Variants in TRDN observed in about 807,000 individuals in gnomAD.
TRDN encodes triadin.
Under a neutral mutation model 149.7 loss-of-function variants are expected in TRDN, and 161 were observed. The observed-to-expected ratio is 1.08, with a 90% CI of 0.95 to 1.23. TRDN has a LOEUF of 1.23. TRDN is among the 50% of genes most tolerant of loss of function. The probability of loss-of-function intolerance (pLI) is 0.00; values close to 1 mark genes in which losing one functional copy is unlikely to be tolerated. For synonymous variants in TRDN, 294 were observed against 250.5 expected, an observed-to-expected ratio of 1.17 and a Z score of -1.64; for missense variants, 896 against 823.5, an observed-to-expected ratio of 1.09 and a Z score of -1.08.
chr6:123,463,748 T>C lies in TRDN; in HGVS notation c.931+1158A>G, dbSNP rs570484614. ...AGTCCAAATGCCAAAATAAATGTAA[T>C]TCTGATTTTTTTGGTCTATTTTCTT... is the stretch of plus-strand genomic sequence containing the variant. On this transcript the variant is annotated intron_variant, in intron 10 of 40. Coordinates refer to ENST00000334268, the MANE Select transcript of TRDN (RefSeq NM_006073.4). 3.9e-5 allele frequency among the ~76,000 whole-genome samples: 6 copies of C among 152,012 alleles called. No individual in the cohort carries two copies. The South Asian group carries it at 1.2e-3, about 31-fold the overall frequency.
At chr6:123,333,918 T>C (rs74883193) in intron 22 of TRDN, among the ~76,000 whole-genome samples, 1 of 152,068 alleles carries the variant, frequency 6.6e-6, no homozygotes, top group Non-Finnish European at 1.5e-5. Flanking sequence ...TTAATGGTGC[T>C]GGGATATAAA....
At chr6:123,439,451 G>A (rs567963966) in intron 10 of TRDN, among the ~76,000 whole-genome samples, 5 of 152,092 alleles carry the variant, frequency 3.3e-5, no homozygotes, top group Non-Finnish European at 5.9e-5. Flanking sequence ...CCATTAAAAA[G>A]GTATCTTTTG....
intron 13 of TRDN, among the ~76,000 whole-genome samples, chr6:123,391,409 T>TA (rs1782108544): frequency 6.6e-6 from 1 of 152,100 alleles, no homozygotes. Flanking sequence ...CAGATATTAG[T>TA]TCTTCAAAAT....
chr6:123,540,499 A>C (rs1268031923), intron 4 of TRDN, among the ~76,000 whole-genome samples: 1 of 151,122 alleles, frequency 6.6e-6, no homozygotes, highest in Non-Finnish European at 1.5e-5. Flanking sequence ...CCTTTTAATC[A>C]CTTGAACAGA....
chr6:123,331,728 T>C, intron 23 of TRDN, 151 bp downstream of exon 23: 2 of 507,690 alleles, frequency 3.9e-6, no homozygotes, highest in East Asian at 3.3e-5. Context: ...AATTTAATGA[T>C]GGAATATAAA....
At chr6:123,349,291 T>C (rs1780363496) in intron 21 of TRDN, among the ~76,000 whole-genome samples, 1 of 152,084 alleles carries the variant, frequency 6.6e-6, no homozygotes, top group Non-Finnish European at 1.5e-5. Flanking sequence ...ATATATAAAC[T>C]ACATAAACAA....
At chr6:123,439,031 T>C (rs1774736827) in intron 10 of TRDN, 28 bp from the exon 11 acceptor site, 2 of 1,512,500 alleles carry the variant, frequency 1.3e-6, no homozygotes, top group East Asian at 4.9e-5. Context: ...AATATTTCCT[T>C]TAGGGAAATT....
intron 24 of TRDN, among the ~76,000 whole-genome samples, chr6:123,312,021 A>T (rs1485379889): frequency 6.6e-6 from 1 of 151,990 alleles, no homozygotes; most frequent in Non-Finnish European, 1.5e-5. Context: ...CTGAATGAGT[A>T]CCAGACAAAG....
chr6:123,472,780 T>G (rs992383583), intron 9 of TRDN, among the ~76,000 whole-genome samples: 3 of 152,206 alleles, frequency 2.0e-5, no homozygotes, highest in Non-Finnish European at 4.4e-5. Flanking sequence ...AGTGGGTCCC[T>G]GACCCCTGAC....
chr6:123,262,913 C>T (rs1776821122), intron 33 of TRDN, among the ~76,000 whole-genome samples: 1 of 151,646 alleles, frequency 6.6e-6, no homozygotes. Context: ...TTCCTCTAGT[C>T]CTATTTCCTG....
At chr6:123,568,122 T>C (rs1782383560) in intron 2 of TRDN, among the ~76,000 whole-genome samples, 1 of 152,194 alleles carries the variant, frequency 6.6e-6, no homozygotes, top group Admixed American at 6.5e-5. Flanking sequence ...CCCATGTAAG[T>C]TGAAAACCCC....
intron 24 of TRDN, among the ~76,000 whole-genome samples, chr6:123,294,474 C>T (rs1047289493): frequency 1.8e-4 from 28 of 152,046 alleles, no homozygotes; most frequent in Admixed American, 3.3e-4. Context: ...AGCCTGGGGT[C>T]GGGGGTGTGG....
chr6:123,592,014 G>C (rs909527625), intron 1 of TRDN, among the ~76,000 whole-genome samples: 1 of 152,114 alleles, frequency 6.6e-6, no homozygotes, highest in African/African-American at 2.4e-5. Context: ...GAGTTAAAAA[G>C]AACCAATTTT....
At chr6:123,451,263 T>C (rs949254525) in intron 10 of TRDN, among the ~76,000 whole-genome samples, 14 of 150,144 alleles carry the variant, frequency 9.3e-5, no homozygotes, top group Admixed American at 6.0e-4. Flanking sequence ...CAGAAATAAA[T>C]AAAATTGAAA....
At chr6:123,566,344 C>A (rs920356249) in intron 2 of TRDN, among the ~76,000 whole-genome samples, 13 of 152,078 alleles carry the variant, frequency 8.5e-5, no homozygotes, top group Non-Finnish European at 1.9e-4. Context: ...AATAACGAAC[C>A]CAAATCATCT....
chr6:123,579,688 TG>T (rs1222200237), intron 1 of TRDN, among the ~76,000 whole-genome samples: 4 of 152,126 alleles, frequency 2.6e-5, no homozygotes, highest in African/African-American at 9.7e-5. Context: ...GCCTCTGATG[TG>T]GTTAGGCTCA....
rs1315147194 is a variant in TRDN, at chr6:123,271,144, T to C, written c.1715A>G (p.Lys572Arg). The change falls in exon 30 of 41, where the codon AAA becomes AGA. Residue 572 changes from lysine (K) to arginine (R), a missense_variant. Physicochemically the swap from Lys to Arg is conservative, Grantham distance 26. Transcript: ENST00000334268. ...LKQVKAVTIE[K>R]TAKPKPTKKA... ...ATATAAAATACCTTATTTACCTGTT[T>C]TTTCTATTGTGACAGCTTTTACCTG... is the stretch of plus-strand genomic sequence containing the variant. 3 of 1,533,604 alleles carry C rather than the reference T, an allele frequency of 2.0e-6. No individual in the cohort carries two copies. The highest frequency in any genetic ancestry group is 1.8e-6 in the Non-Finnish European group (2 of 1,139,958). 95.0% of individuals were successfully genotyped at this position (1,533,604 alleles called of 1,614,324 possible).
chr6:123,455,912 T>C (rs1226156526), intron 10 of TRDN, among the ~76,000 whole-genome samples: 1 of 152,192 alleles, frequency 6.6e-6, no homozygotes, highest in Non-Finnish European at 1.5e-5. Flanking sequence ...CAAGAATATT[T>C]CATTACATTT....
At chr6:123,270,847 T>C (rs1777182472) in intron 30 of TRDN, among the ~76,000 whole-genome samples, 1 of 152,032 alleles carries the variant, frequency 6.6e-6, no homozygotes, top group African/African-American at 2.4e-5. Flanking sequence ...CACCTAAGTA[T>C]ACATGGTAAT....
Sources: allele counts gnomAD v4.1 joint callset (sites outside exome capture counted in the v4.1 genomes callset), GRCh38; gene constraint gnomAD v4.1.1; transcripts MANE v1.5; gene names NCBI Gene and HGNC (gene_info 2026-07-23, HGNC 2026-07-21).